The following NAF1 variants were observed in gnomAD, a reference collection of about 807,000 sequenced individuals.
NAF1 encodes the protein H/ACA ribonucleoprotein complex non-core subunit NAF1.
In NAF1, 11 loss-of-function variants were observed where a neutral mutation model predicts 40.6. The observed-to-expected ratio is 0.27, with a 90% CI of 0.17 to 0.45. The LOEUF (loss-of-function observed/expected upper bound fraction) is 0.45. Among genes scored for constraint, NAF1 ranks in the 20% least tolerant of loss-of-function variants. The probability of loss-of-function intolerance (pLI) is 1.00; values close to 1 mark genes in which losing one functional copy is unlikely to be tolerated. For missense variants in NAF1, 607 were observed against 611.1 expected, an observed-to-expected ratio of 0.99 and a Z score of 0.07; for synonymous variants, 260 against 228.5, an observed-to-expected ratio of 1.14 and a Z score of -1.24.
Position 163,120,211 on chromosome 4 carries a change from G to T in NAF1, c.115-9921C>A, listed in dbSNP as rs76955901. Among the ~76,000 whole-genome samples, 863 of 152,194 alleles carry T rather than the reference G, an allele frequency of 5.7e-3. 11 individuals are homozygous for T. The highest frequency in any genetic ancestry group is 0.019 in the African/African-American group (804 of 41,520). ...CACACAATAAAACACTTGAAAAGCT[G>T]CAATAATAAAAGGTTTAAAGAGCTG... On this transcript the variant is annotated intron_variant, in intron 2 of 2. Transcript: ENST00000509434.
exon 3 of NAF1, chr4:163,110,181 T>C (rs1046524965): frequency 9.5e-6 from 6 of 634,682 alleles, no homozygotes; most frequent in African/African-American, 7.3e-5. Flanking sequence ...ACTAGGCTGG[T>C]AGACTTGCTG....
intron 2 of NAF1, among the ~76,000 whole-genome samples, chr4:163,111,119 G>GT (rs1171079098): frequency 2.0e-5 from 3 of 151,906 alleles, no homozygotes; most frequent in Non-Finnish European, 4.4e-5. Flanking sequence ...ACTACCTTTT[G>GT]TTTTTTTCAG....
rs373854319 is a variant in NAF1, at chr4:163,114,159, T to C, written c.115-3869A>G. Reference sequence around the variant, plus strand: ...GGGTATGTAGGAGCATGAGGTAAAATTCAGGAAACTGCATGTATCTAGCCA... The same window carrying C: ...GGGTATGTAGGAGCATGAGGTAAAACTCAGGAAACTGCATGTATCTAGCCA... On this transcript the variant is annotated intron_variant, in intron 2 of 2. Coordinates refer to the NAF1 transcript ENST00000509434. 2.4e-4 allele frequency among the ~76,000 whole-genome samples: 37 copies of C among 152,264 alleles called. No individual in the cohort carries two copies. The East Asian group carries it at 5.6e-3, about 23-fold the overall frequency.
At chr4:163,140,671 C>T (rs568989318) in intron 4 of NAF1, among the ~76,000 whole-genome samples, 5 of 152,168 alleles carry the variant, frequency 3.3e-5, no homozygotes, top group Admixed American at 6.5e-5. Context: ...GGTACCAACT[C>T]GATGCAAATT....
chr4:163,148,409 G>A lies in NAF1; in HGVS notation c.566C>T (p.Thr189Ile). 2 of 1,584,582 alleles carry A rather than the reference G, an allele frequency of 1.3e-6. No individual in the cohort carries two copies. Among genetic ancestry groups the A allele is most frequent in the Middle Eastern group, 3.3e-4 (2 of 5,982 alleles). The change falls in exon 3 of 8, where the codon ACT becomes ATT. Residue 189 changes from threonine (T) to isoleucine (I), a missense_variant. By Grantham distance (89) the Thr-to-Ile change is moderately conservative. Around this residue, in one of 3 missense-constraint regions of NAF1, gnomAD observed 407 missense variants for 365.5 expected, o/e 1.11. Transcript: ENST00000274054. Reference protein sequence around the residue: ...LNELPSVEELTIILPEDIELK... With the variant: ...LNELPSVEELIIILPEDIELK... ...CTCAATATCTTCAGGCAGAATAATA[G>A]TGAGTTCTTCAACAGAAGGCAGTTC... is the stretch of plus-strand genomic sequence containing the variant.
chr4:163,136,163 G>T (rs937360835), intron 6 of NAF1: 2 of 151,852 alleles, frequency 1.3e-5, no homozygotes, highest in Non-Finnish European at 2.9e-5. Flanking sequence ...GGTTAAATCG[G>T]TAAGTATCAA....
chr4:163,154,205 A>T, intron 2 of NAF1, among the ~76,000 whole-genome samples: 1 of 152,218 alleles, frequency 6.6e-6, no homozygotes, highest in Non-Finnish European at 1.5e-5. Context: ...AGAACCTACC[A>T]ATTCCGGACA....
chr4:163,147,487 A>T (rs546646179), intron 3 of NAF1, among the ~76,000 whole-genome samples: 16 of 152,214 alleles, frequency 1.1e-4, no homozygotes, highest in Non-Finnish European at 2.4e-4. Flanking sequence ...GAACAAACTC[A>T]CATGTTGGGG....
At chr4:163,148,623 C>T (rs1731572124) in intron 2 of NAF1, among the ~76,000 whole-genome samples, 189 bp from the exon 3 acceptor site, 1 of 152,132 alleles carries the variant, frequency 6.6e-6, no homozygotes, top group Admixed American at 6.5e-5. Context: ...ATTTCTCCAC[C>T]TAAGTGACTC....
intron 1 of NAF1, among the ~76,000 whole-genome samples, chr4:163,165,406 A>G (rs960417828): frequency 7.2e-5 from 11 of 152,158 alleles, no homozygotes; most frequent in African/African-American, 2.7e-4. Flanking sequence ...CGTATCCCCA[A>G]ATCATCTACC....
chr4:163,166,700 G>T lies in NAF1; in HGVS notation c.28C>A (p.Gln10Lys). The T allele has an allele frequency of 6.2e-7, 1 of 1,613,524 alleles. No homozygotes were observed. Among genetic ancestry groups the T allele is most frequent in the Non-Finnish European group, 8.5e-7 (1 of 1,179,990 alleles). The change falls in exon 1 of 8, where the codon CAG becomes AAG. Residue 10 changes from glutamine (Q) to lysine (K), a missense_variant. By Grantham distance (53) the Gln-to-Lys change is moderately conservative. Coordinates refer to ENST00000274054, the MANE Select transcript of NAF1 (RefSeq NM_138386.3). MEVVEAAAA[Q>K]LETLKFNGTD... ...CCATTGAATTTCAGAGTTTCCAGCTGAGCGGCGGCGGCCTCCACTACCTCC... is the reference window on the plus strand; with the variant it reads ...CCATTGAATTTCAGAGTTTCCAGCTTAGCGGCGGCGGCCTCCACTACCTCC...
downstream of NAF1, among the ~76,000 whole-genome samples, chr4:163,126,322 T>C (rs531757026): frequency 1.3e-5 from 2 of 152,278 alleles, no homozygotes; most frequent in Non-Finnish European, 2.9e-5. Flanking sequence ...TGATGATTTA[T>C]GAGGGGGGTC....
At chr4:163,137,121 A>G (rs1375018637) in intron 6 of NAF1, 78 bp downstream of exon 6, 20 of 1,531,918 alleles carry the variant, frequency 1.3e-5, no homozygotes, top group Non-Finnish European at 1.8e-5. Context: ...GACTTCCCTA[A>G]CAGCAAGAAT....
chr4:163,133,485 A>G (rs773217862), intron 6 of NAF1: 2 of 402,122 alleles, frequency 5.0e-6, no homozygotes, highest in Non-Finnish European at 8.9e-6. Flanking sequence ...ATCAGCCTTC[A>G]GATATGAGTC....
intron 4 of NAF1, among the ~76,000 whole-genome samples, chr4:163,145,278 C>T (rs950697348): frequency 2.0e-5 from 3 of 152,104 alleles, no homozygotes; most frequent in Non-Finnish European, 4.4e-5. Context: ...TGTAATTCCC[C>T]AGGATGTGCC....
intron 2 of NAF1, among the ~76,000 whole-genome samples, chr4:163,117,093 C>T (rs1323009827): frequency 6.6e-6 from 1 of 152,196 alleles, no homozygotes; most frequent in Non-Finnish European, 1.5e-5. Context: ...GGTTTCAAAA[C>T]ATGCTGAGCT....
At chr4:163,155,952 A>G (rs943697167) in intron 2 of NAF1, among the ~76,000 whole-genome samples, 1 of 141,200 alleles carries the variant, frequency 7.1e-6, no homozygotes, top group Admixed American at 7.2e-5. Flanking sequence ...GTGATAGGAA[A>G]GGCCTGGGAT....
At chr4:163,151,116 AC>A (rs1465069350) in intron 2 of NAF1, among the ~76,000 whole-genome samples, 3 of 151,736 alleles carry the variant, frequency 2.0e-5, no homozygotes, top group African/African-American at 7.3e-5. Context: ...TAAAAAAAAA[AC>A]CTTTGGATTT....
intron 5 of NAF1, 120 bp from the exon 6 acceptor site, chr4:163,137,370 A>G (rs1731101259): frequency 2.9e-6 from 3 of 1,022,306 alleles, no homozygotes; most frequent in Non-Finnish European, 4.2e-6. Context: ...TAATTTTGCA[A>G]TACAGTTATG....
Sources: gnomAD v4.1 joint callset for allele counts (sites outside exome capture counted in the v4.1 genomes callset) on GRCh38, gnomAD v4.1.1 for gene constraint, gnomAD v4.1.1 regional missense constraint, MANE v1.5 for transcripts, NCBI Gene and HGNC (gene_info 2026-07-23, HGNC 2026-07-21) for gene names.